The following NBPF12 variants were observed in gnomAD, a reference collection of about 807,000 sequenced individuals.
NBPF12 encodes the protein NBPF member 12.
Under a neutral mutation model 146.4 loss-of-function variants are expected in NBPF12, and 115 were observed. The observed-to-expected ratio is 0.79, with a 90% CI of 0.68 to 0.92. NBPF12 has a LOEUF of 0.92. NBPF12 is among the 40% of genes least tolerant of loss of function. NBPF12 has a pLI of 0.00. For synonymous variants in NBPF12, 385 were observed against 508.9 expected (o/e 0.76, Z 3.28); for missense variants, 1,205 against 1,326.8 (o/e 0.91, Z 1.43).
rs1251505413 is a variant in NBPF12 at position 146,962,211 on chromosome 1, C to G, written c.226C>G (p.Gln76Glu). ...AAAATTTATGCTGAGGAATGAGCGA[C>G]AGTTCAAGGAGGAGAAGCTTGCAGA... The change falls in exon 5 of 34, where the codon CAG (glutamine) becomes GAG (glutamate). Residue 76 changes from glutamine to glutamate, a missense_variant. Transcript: ENST00000617844. 3 of 1,608,324 alleles carry G rather than the reference C, an allele frequency of 1.9e-6. No homozygotes were observed. The African/African-American group carries it at 4.0e-5, about 22-fold the overall frequency.
exon 34 of NBPF12, chr1:146,995,307 G>T (rs1405934964): frequency 1.5e-5 from 2 of 129,714 alleles, no homozygotes; most frequent in African/African-American, 3.2e-5. Context: ...GCAATGCCAT[G>T]TTCTTGCAGA....
intron 33 of NBPF12, among the ~76,000 whole-genome samples, 200 bp from the exon 37 acceptor site, chr1:146,994,132 C>T (rs1246218715): frequency 7.9e-6 from 1 of 126,258 alleles, no homozygotes; most frequent in Non-Finnish European, 1.6e-5. Context: ...GTCTCTGTCT[C>T]TCTCTCTCTG....
Position 146,963,339 on chromosome 1 carries a change from A to T in NBPF12, c.493+30A>T, listed in dbSNP as rs1233511581. ...GGTGGCCATAGGCCCTGATGACCCA[A>T]AACCCCAGGCTTATGAGAGGCTCCA... is the stretch of plus-strand genomic sequence containing the variant. On this transcript the variant is annotated intron_variant, in intron 6 of 33. Transcript: ENST00000617844. 4.3e-6 allele frequency: 7 copies of T among 1,610,508 alleles called. No homozygotes were observed. The African/African-American group carries it at 9.4e-5, about 22-fold the overall frequency.
chr1:146,946,836 AG>A (rs1483532797), upstream of NBPF12, among the ~76,000 whole-genome samples: 1 of 151,804 alleles, frequency 6.6e-6, no homozygotes, highest in Non-Finnish European at 1.5e-5. Flanking sequence ...TTTACGTGTA[AG>A]ATTTATTTTA....
intron 9 of NBPF12, 139 bp downstream of exon 12, chr1:146,966,812 T>C (rs1656242640): frequency 3.0e-6 from 2 of 676,468 alleles, no homozygotes; most frequent in Admixed American, 2.4e-5. Flanking sequence ...ATTTTAACAT[T>C]TTGTTAAAGT....
At chr1:146,952,483 T>G (rs1159978508) in intron 2 of NBPF12, among the ~76,000 whole-genome samples, 4,628 of 151,902 alleles carry the variant, frequency 0.03, 269 homozygotes, top group African/African-American at 0.11. Flanking sequence ...AACTGGCCCT[T>G]TATAATACAA....
chr1:146,974,037 C>A (rs1427366768), intron 14 of NBPF12, among the ~76,000 whole-genome samples: 1 of 150,904 alleles, frequency 6.6e-6, no homozygotes, highest in Non-Finnish European at 1.5e-5. Context: ...ACAATAATAC[C>A]TACCTCTGTA....
chr1:146,956,183 G>A (rs1490219439), intron 2 of NBPF12, among the ~76,000 whole-genome samples: 7 of 151,466 alleles, frequency 4.6e-5, no homozygotes, highest in Non-Finnish European at 7.4e-5. Flanking sequence ...GCCACATGAA[G>A]GAATACTACT....
chr1:146,969,342 C>G lies in NBPF12; in HGVS notation c.1092-40C>G, dbSNP rs1303166335. The G allele has an allele frequency of 1.2e-3, 931 of 766,900 alleles. 18 individuals carry two copies. The African/African-American group carries it at 0.015, about 12-fold the overall frequency. The allele number at this position is 766,900 out of a possible 1,614,324, so 47.5% of individuals were successfully genotyped here. A position where few individuals can be genotyped will look rare whatever the true frequency, so the allele number is the denominator to read the frequency against. Reference sequence around the variant, plus strand: ...TGCAATATTTGAACGGATCACTCAACCCTTTCCACTCTTAAATTTTCTCTA... The same window carrying G: ...TGCAATATTTGAACGGATCACTCAAGCCTTTCCACTCTTAAATTTTCTCTA... On this transcript the variant is annotated intron_variant, in intron 10 of 33. Coordinates refer to ENST00000617844, the Ensembl canonical transcript of NBPF12.
exon 9 of NBPF12, chr1:146,966,477 C>T (rs1656219682): frequency 1.4e-6 from 2 of 1,398,176 alleles, no homozygotes; most frequent in Non-Finnish European, 2.0e-6. Context: ...CTGGCCCCAC[C>T]TCTTCTGCCA....
chr1:146,994,620 C>G (rs1313801976), exon 34 of NBPF12: 12 of 1,587,260 alleles, frequency 7.6e-6, no homozygotes, highest in East Asian at 4.5e-5. Context: ...CAGGCAGGAC[C>G]TATAGGCACC....
intron 2 of NBPF12, among the ~76,000 whole-genome samples, chr1:146,956,331 C>T (rs1175357538): frequency 6.6e-6 from 1 of 151,900 alleles, no homozygotes; most frequent in African/African-American, 2.4e-5. Context: ...GACAGTGGCT[C>T]CTTGGGGCTG....
rs1298410880 is a variant in NBPF12 at position 146,981,293 on chromosome 1, AAAT to A, written c.2451-1633_2451-1631del. Among the ~76,000 whole-genome samples the A allele has an allele frequency of 1.1e-3, 120 of 106,968 alleles. 2 individuals are homozygous for A. The highest frequency in any genetic ancestry group is 4.8e-3 in the African/African-American group (117 of 24,538). 70.2% of individuals were successfully genotyped at this position (106,968 alleles called of 152,430 possible). ...TTAAAGTATTAAAAAAAAAAAAAAA[AAAT>A]ATATATATATATATATATACATACA... On this transcript the variant is annotated intron_variant, in intron 19 of 33. Coordinates refer to ENST00000617844, the Ensembl canonical transcript of NBPF12.
intron 8 of NBPF12, among the ~76,000 whole-genome samples, chr1:146,965,429 TCCCA>T (rs1406864768): frequency 8.0e-5 from 12 of 149,906 alleles, no homozygotes; most frequent in African/African-American, 3.0e-4. Context: ...GAGATGATCC[TCCCA>T]CCCTCATTCA....
At chr1:146,992,506 G>GTGTGTGTC (rs1658259923) in intron 31 of NBPF12, among the ~76,000 whole-genome samples, 1 of 120,946 alleles carries the variant, frequency 8.3e-6, no homozygotes, top group Non-Finnish European at 1.8e-5. Flanking sequence ...GTGTGTGTGT[G>GTGTGTGTC]TGTGTGTCTA....
chr1:146,962,142 G>A lies in NBPF12; in HGVS notation c.176-19G>A, dbSNP rs1467799055. On this transcript the variant is annotated intron_variant, in intron 4 of 33. Coordinates refer to ENST00000617844, the Ensembl canonical transcript of NBPF12. ...TGTCCAGCCTTCCACTGAGGCAGGC[G>A]TGTCTGTCTTTTTCTCAGAGTATGA... The A allele has an allele frequency of 1.2e-3, 1,853 of 1,607,648 alleles. 35 individuals are homozygous for A. The African/African-American group carries it at 0.019, about 17-fold the overall frequency.
At position 146,957,979 on chromosome 1, in the gene NBPF12, A is replaced by ATG. The variant is rs1290246190; in HGVS notation, c.-183-1872_-183-1871dup. Among the ~76,000 whole-genome samples the ATG allele has an allele frequency of 1.0e-4, 12 of 116,636 alleles. 3 individuals are homozygous for ATG. Among genetic ancestry groups the ATG allele is most frequent in the African/African-American group, 3.9e-4 (12 of 30,678 alleles). The allele number at this position is 116,636 out of a possible 152,430, so 76.5% of individuals were successfully genotyped here. ...TATATATACGTGTATACATGTATAT[A>ATG]TGTGTGTGTATATATATATATACAT... On this transcript the variant is annotated intron_variant, in intron 2 of 33. Transcript: ENST00000617844.
intron 16 of NBPF12, among the ~76,000 whole-genome samples, chr1:146,976,728 T>A (rs1354829950): frequency 5.9e-5 from 9 of 151,464 alleles, no homozygotes; most frequent in Admixed American, 5.9e-4. Flanking sequence ...CACATCTTGA[T>A]GGTGGCCCTC....
chr1:146,964,808 G>T (rs1323668237), intron 7 of NBPF12, 85 bp from the exon 11 acceptor site: 49 of 1,594,526 alleles, frequency 3.1e-5, no homozygotes, highest in Non-Finnish European at 4.0e-5. Flanking sequence ...TCTTAATGCC[G>T]CCTGTCAAAA....
Sources: gnomAD v4.1 joint callset for allele counts (sites outside exome capture counted in the v4.1 genomes callset) on GRCh38, gnomAD v4.1.1 for gene constraint, MANE v1.5 for transcripts, NCBI Gene and HGNC (gene_info 2026-07-23, HGNC 2026-07-21) for gene names.